The following CACNB4 variants were observed in gnomAD, a reference collection of about 807,000 sequenced individuals.
The protein encoded by CACNB4 is calcium voltage-gated channel auxiliary subunit beta 4, also known as voltage-dependent L-type calcium channel subunit beta-4.
A neutral mutation model predicts 71.2 loss-of-function variants in CACNB4; 32 were observed. The ratio of observed to expected loss-of-function variants is 0.45; its 90% CI spans 0.34 to 0.60. CACNB4 has a LOEUF of 0.60. CACNB4 is among the 20% of genes least tolerant of loss of function. The pLI, the probability that CACNB4 is intolerant of heterozygous loss-of-function variation, is 0.01. For missense variants in CACNB4, 464 were observed against 647.9 expected, an observed-to-expected ratio of 0.72 and a Z score of 3.08; for synonymous variants, 231 against 236.9, an observed-to-expected ratio of 0.97 and a Z score of 0.23.
intron 2 of CACNB4, among the ~76,000 whole-genome samples, chr2:152,075,048 T>G (rs1260188156): frequency 6.6e-6 from 1 of 152,212 alleles, no homozygotes; most frequent in African/African-American, 2.4e-5. Context: ...ATACATATTA[T>G]GGCCACCACC....
intron 2 of CACNB4, among the ~76,000 whole-genome samples, chr2:152,033,941 A>G (rs78891177): frequency 1.8e-3 from 272 of 152,328 alleles, no homozygotes; most frequent in African/African-American, 6.3e-3. Context: ...TTAGCAACAT[A>G]ATAGAAGCAA....
At chr2:152,048,269 T>C (rs1685238936) in intron 2 of CACNB4, among the ~76,000 whole-genome samples, 1 of 152,048 alleles carries the variant, frequency 6.6e-6, no homozygotes. Flanking sequence ...GGGGGCAAAA[T>C]CACCCCAGCT....
chr2:152,023,681 T>G (rs1683805639), intron 2 of CACNB4, among the ~76,000 whole-genome samples: 1 of 152,160 alleles, frequency 6.6e-6, no homozygotes, highest in African/African-American at 2.4e-5. Flanking sequence ...GTGATCCGCC[T>G]GCCTCAGCCT....
At chr2:151,939,577 C>T (rs932712492) in intron 2 of CACNB4, among the ~76,000 whole-genome samples, 31 of 152,328 alleles carry the variant, frequency 2.0e-4, no homozygotes, top group South Asian at 1.9e-3. Context: ...CCCTCTGTCT[C>T]TGGGCTGTGC....
rs73967714 is a variant in CACNB4, at chr2:151,906,081, G to A, written c.148-22711C>T. Among the ~76,000 whole-genome samples, 161 of 152,240 alleles carry A rather than the reference G, an allele frequency of 1.1e-3. 1 individual carries two copies. The highest frequency in any genetic ancestry group is 3.8e-3 in the African/African-American group (157 of 41,546). On this transcript the variant is annotated intron_variant, in intron 2 of 13. Coordinates refer to ENST00000539935, the MANE Select transcript of CACNB4 (RefSeq NM_000726.5). The stretch of plus-strand genomic sequence containing the variant: ...CACGCTATCCTCTTCCTACTCAGTA[G>A]CCTCCAGGAACTGCAATGAAACCAG...
chr2:151,929,663 A>G (rs963816557), intron 2 of CACNB4, among the ~76,000 whole-genome samples: 9 of 152,186 alleles, frequency 5.9e-5, no homozygotes, highest in African/African-American at 2.2e-4. Flanking sequence ...AGCATCAACT[A>G]AAAAAACTAA....
intron 2 of CACNB4, among the ~76,000 whole-genome samples, chr2:151,896,429 C>T (rs1261506660): frequency 6.6e-6 from 1 of 152,204 alleles, no homozygotes; most frequent in Non-Finnish European, 1.5e-5. Context: ...AGAGCTATGC[C>T]TACCCCTAGC....
chr2:152,027,876 A>G (rs1244879924), intron 2 of CACNB4, among the ~76,000 whole-genome samples: 1 of 135,178 alleles, frequency 7.4e-6, no homozygotes, highest in African/African-American at 2.8e-5. Context: ...AAAAAAAAAA[A>G]GCCAAAGCCA....
In CACNB4 at chr2:151,835,656, G is replaced by T. The variant is rs2099834745; in HGVS notation, c.*3463C>A. ...ACATTTTGTGATATGTTCATTTAAA[G>T]AATTTAAATTTGCAAACCATCTTTT... On this transcript the variant is annotated 3_prime_UTR_variant, in exon 14 of 14. Transcript: ENST00000539935. The T allele has an allele frequency of 6.6e-6, 1 of 151,792 alleles. No individual in the cohort carries two copies. Among genetic ancestry groups the T allele is most frequent in the African/African-American group, 2.4e-5 (1 of 41,392 alleles). 9.4% of individuals were successfully genotyped at this position (151,792 alleles called of 1,614,324 possible). A position where few individuals can be genotyped will look rare whatever the true frequency, so the allele number is the denominator to read the frequency against.
intron 2 of CACNB4, among the ~76,000 whole-genome samples, chr2:152,039,734 A>G (rs1203842202): frequency 6.6e-6 from 1 of 152,270 alleles, no homozygotes; most frequent in East Asian, 1.9e-4. Context: ...ACAGAAATGC[A>G]GGTATTCCTT....
At chr2:151,855,636 A>G (rs1409877931) in intron 10 of CACNB4, among the ~76,000 whole-genome samples, 1 of 152,236 alleles carries the variant, frequency 6.6e-6, no homozygotes, top group African/African-American at 2.4e-5. Context: ...AGCTGTTTAT[A>G]TAACTACGAT....
intron 2 of CACNB4, among the ~76,000 whole-genome samples, chr2:152,014,857 G>A (rs1286175301): frequency 2.0e-5 from 3 of 152,112 alleles, no homozygotes; most frequent in Non-Finnish European, 2.9e-5. Flanking sequence ...CATTTATGCA[G>A]TCACTGTGTT....
At chr2:151,842,348 T>A (rs1225400679) in intron 12 of CACNB4, among the ~76,000 whole-genome samples, 1 of 135,020 alleles carries the variant, frequency 7.4e-6, no homozygotes, top group Non-Finnish European at 1.5e-5. Context: ...TTTTTTTTTT[T>A]AAGACGGAGT....
chr2:151,872,301 A>C, intron 6 of CACNB4, 116 bp downstream of exon 6: 4 of 657,070 alleles, frequency 6.1e-6, no homozygotes, highest in South Asian at 5.1e-5. Flanking sequence ...TTAATTAGAG[A>C]ATCTTTAAAT....
intron 2 of CACNB4, among the ~76,000 whole-genome samples, chr2:152,045,420 A>T (rs1311471405): frequency 6.6e-6 from 1 of 152,210 alleles, no homozygotes; most frequent in Non-Finnish European, 1.5e-5. Flanking sequence ...ATAAGCAGTC[A>T]CAAAAGGACA....
At chr2:151,932,977 G>C (rs997776259) in intron 2 of CACNB4, among the ~76,000 whole-genome samples, 1 of 151,774 alleles carries the variant, frequency 6.6e-6, no homozygotes, top group Non-Finnish European at 1.5e-5. Context: ...AAGAACAAAG[G>C]CAGGCTCCTT....
rs1435713534 is a variant in CACNB4 at position 151,954,892 on chromosome 2, T to C, written c.148-71522A>G. On this transcript the variant is annotated intron_variant, in intron 2 of 13. Coordinates refer to ENST00000539935, the MANE Select transcript of CACNB4 (RefSeq NM_000726.5). ...TTTTTGAGATGGAGTCTCGCTCTGT[T>C]GTCTGGGCTGGAGTGCAGTGGGGCG... Among the ~76,000 whole-genome samples, 11 of 148,600 alleles carry C rather than the reference T, an allele frequency of 7.4e-5. No individual in the cohort carries two copies. The South Asian group carries it at 1.3e-3, about 18-fold the overall frequency.
intron 2 of CACNB4, among the ~76,000 whole-genome samples, chr2:151,906,667 T>C (rs189893006): frequency 1.3e-5 from 2 of 152,312 alleles, no homozygotes; most frequent in African/African-American, 4.8e-5. Flanking sequence ...GAAACTACAG[T>C]CTTGTCCAGC....
intron 2 of CACNB4, among the ~76,000 whole-genome samples, chr2:152,003,978 G>A (rs758283104): frequency 1.8e-4 from 28 of 151,926 alleles, no homozygotes; most frequent in Non-Finnish European, 2.5e-4. Flanking sequence ...CCAAGTACTC[G>A]GACCACAGGC....
Sources: allele counts gnomAD v4.1 joint callset (sites outside exome capture counted in the v4.1 genomes callset), GRCh38; gene constraint gnomAD v4.1.1; transcripts MANE v1.5; gene names NCBI Gene and HGNC (gene_info 2026-07-23, HGNC 2026-07-21).